Variants in PAPPA2 observed in about 807,000 individuals in gnomAD.
PAPPA2 encodes pappalysin-2.
A neutral mutation model predicts 176.4 loss-of-function variants in PAPPA2; 86 were observed. The ratio of observed to expected loss-of-function variants is 0.49; its 90% CI spans 0.41 to 0.58. The LOEUF (loss-of-function observed/expected upper bound fraction) is 0.58. PAPPA2 is among the 20% of genes least tolerant of loss of function. The probability of loss-of-function intolerance (pLI) is 0.00; values close to 1 mark genes in which losing one functional copy is unlikely to be tolerated. For synonymous variants in PAPPA2, 809 were observed against 852.2 expected, an observed-to-expected ratio of 0.95 and a Z score of 0.88; for missense variants, 2,073 against 2,256.9, an observed-to-expected ratio of 0.92 and a Z score of 1.65.
chr1:176,770,310 G>A (rs899057848), intron 16 of PAPPA2, among the ~76,000 whole-genome samples: 2 of 152,184 alleles, frequency 1.3e-5, no homozygotes, highest in African/African-American at 4.8e-5. Context: ...CTTGCTTAGT[G>A]AGTCTGGGGT....
At chr1:176,692,537 C>T (rs570556202) in intron 6 of PAPPA2, among the ~76,000 whole-genome samples, 1 of 152,232 alleles carries the variant, frequency 6.6e-6, no homozygotes. Flanking sequence ...GCTCACTCCC[C>T]CCTCAGGGAG....
chr1:176,711,979 A>C lies in PAPPA2; in HGVS notation c.3796A>C (p.Lys1266Gln). The C allele has an allele frequency of 6.2e-7, 1 of 1,610,316 alleles. No homozygotes were observed. The highest frequency in any genetic ancestry group is 1.3e-5 in the African/African-American group (1 of 74,942). Residue 1266 changes from lysine to glutamine, a missense_variant and splice_region_variant, in exon 12 of 23, where the codon AAA (lysine) becomes CAA (glutamine). Coordinates refer to ENST00000367662, the MANE Select transcript of PAPPA2 (RefSeq NM_020318.3). ...GAAGAAAGAGGATGAGGTTTGGCTCAAAGTAAGTGGCCCAAATGTTTCTTT... is the reference window on the plus strand; with the variant it reads ...GAAGAAAGAGGATGAGGTTTGGCTCCAAGTAAGTGGCCCAAATGTTTCTTT... Reference protein sequence around the residue: ...SLKKEDEVWLKVCFNRPGEAR... With the variant: ...SLKKEDEVWLQVCFNRPGEAR...
intron 1 of PAPPA2, among the ~76,000 whole-genome samples, chr1:176,478,586 A>G (rs961044767): frequency 2.0e-5 from 3 of 152,270 alleles, no homozygotes; most frequent in African/African-American, 4.8e-5. Context: ...TCCCAGATGT[A>G]TGTTCAAACA....
intron 10 of PAPPA2, 29 bp downstream of exon 10, chr1:176,706,479 G>T (rs1331276984): frequency 1.9e-6 from 3 of 1,586,124 alleles, no homozygotes; most frequent in African/African-American, 2.7e-5. Context: ...GTCTAAGATT[G>T]TGTCCTACTT....
Position 176,660,332 on chromosome 1 carries a change from TTGTTTG to T in PAPPA2, c.1992-10634_1992-10629del, listed in dbSNP as rs199561763. ...TCTAATGCTGTATTTTAGTAATTGT[TTGTTTG>T]TGTGTGTGTGTGTGTGTGTGTGTGC... On this transcript the variant is annotated intron_variant, in intron 3 of 22. Transcript: ENST00000367662. 9.6e-3 allele frequency among the ~76,000 whole-genome samples: 796 copies of T among 82,842 alleles called. 11 individuals are homozygous for T. The highest frequency in any genetic ancestry group is 0.038 in the African/African-American group (709 of 18,436). 54.3% of individuals were successfully genotyped at this position (82,842 alleles called of 152,430 possible).
intron 3 of PAPPA2, among the ~76,000 whole-genome samples, chr1:176,596,148 C>G (rs953839005): frequency 2.6e-5 from 4 of 152,150 alleles, no homozygotes; most frequent in African/African-American, 2.4e-5. Flanking sequence ...CACTGTTGCC[C>G]CATTAAATTC....
intron 21 of PAPPA2, among the ~76,000 whole-genome samples, chr1:176,821,108 TG>T: frequency 6.6e-6 from 1 of 152,352 alleles, no homozygotes; most frequent in Admixed American, 6.5e-5. Flanking sequence ...TTATGATCAC[TG>T]CTTCAGGTCC....
At chr1:176,532,507 G>A (rs1649868358) in intron 1 of PAPPA2, among the ~76,000 whole-genome samples, 1 of 152,164 alleles carries the variant, frequency 6.6e-6, no homozygotes, top group African/African-American at 2.4e-5. Context: ...TTCGGAAAAA[G>A]GCACCTGCTT....
chr1:176,689,470 T>C (rs1207057788), intron 4 of PAPPA2, among the ~76,000 whole-genome samples: 1 of 152,226 alleles, frequency 6.6e-6, no homozygotes, highest in Non-Finnish European at 1.5e-5. Context: ...ACCTATCTTT[T>C]GTCTGACTAG....
intron 15 of PAPPA2, among the ~76,000 whole-genome samples, chr1:176,767,589 G>A (rs745426285): frequency 7.9e-5 from 12 of 152,110 alleles, no homozygotes; most frequent in Non-Finnish European, 1.5e-4. Flanking sequence ...CTCGTGATCC[G>A]CCCACCTTGC....
At chr1:176,782,798 T>A (rs1284133557) in intron 17 of PAPPA2, among the ~76,000 whole-genome samples, 3 of 152,146 alleles carry the variant, frequency 2.0e-5, no homozygotes, top group Admixed American at 6.6e-5. Flanking sequence ...TTTTTGAAAG[T>A]TCCCTCCGAC....
chr1:176,533,496 C>G (rs1179760803), intron 1 of PAPPA2, among the ~76,000 whole-genome samples: 1 of 152,234 alleles, frequency 6.6e-6, no homozygotes, highest in East Asian at 1.9e-4. Context: ...ACCACTCCTT[C>G]TGGATCTATT....
intron 21 of PAPPA2, among the ~76,000 whole-genome samples, chr1:176,825,413 C>A (rs1289486030): frequency 6.6e-6 from 1 of 152,216 alleles, no homozygotes; most frequent in Non-Finnish European, 1.5e-5. Context: ...AATTTCATAT[C>A]TTGCCTTATT....
chr1:176,769,554 C>T, intron 15 of PAPPA2, 53 bp from the exon 16 acceptor site: 1 of 1,547,932 alleles, frequency 6.5e-7, no homozygotes, highest in Non-Finnish European at 8.9e-7. Context: ...CTGGAAACTA[C>T]TCTGATACGC....
intron 19 of PAPPA2, 101 bp downstream of exon 19, chr1:176,791,583 T>C (rs768809361): frequency 7.4e-4 from 1,020 of 1,372,054 alleles, no homozygotes; most frequent in Non-Finnish European, 8.8e-4. Flanking sequence ...AGACGGAGTC[T>C]TGCTCTGTCG....
At chr1:176,769,887 G>A in intron 16 of PAPPA2, 103 bp downstream of exon 16, 4 of 1,235,400 alleles carry the variant, frequency 3.2e-6, no homozygotes, top group Non-Finnish European at 2.2e-6. Context: ...TTTCCTATTT[G>A]CTCCACTGTG....
intron 12 of PAPPA2, among the ~76,000 whole-genome samples, chr1:176,719,663 C>T (rs1001105697): frequency 6.6e-6 from 1 of 152,088 alleles, no homozygotes; most frequent in African/African-American, 2.4e-5. Flanking sequence ...GGCTGTGTTC[C>T]CAGAGTCTCT....
intron 1 of PAPPA2, among the ~76,000 whole-genome samples, chr1:176,546,763 C>A (rs1375255003): frequency 6.6e-6 from 1 of 152,054 alleles, no homozygotes; most frequent in East Asian, 1.9e-4. Flanking sequence ...TTAACCACAT[C>A]GATAGGAATT....
chr1:176,749,934 A>G (rs930205462), intron 14 of PAPPA2, among the ~76,000 whole-genome samples: 5 of 152,212 alleles, frequency 3.3e-5, no homozygotes, highest in African/African-American at 1.2e-4. Flanking sequence ...GCTGCTATAA[A>G]TATCCACATG....
Sources: gnomAD v4.1 joint callset for allele counts (sites outside exome capture counted in the v4.1 genomes callset) on GRCh38, gnomAD v4.1.1 for gene constraint, MANE v1.5 for transcripts, NCBI Gene and HGNC (gene_info 2026-07-23, HGNC 2026-07-21) for gene names.